The following ASPH variants were observed in gnomAD, a reference collection of about 807,000 sequenced individuals.
ASPH encodes aspartyl/asparaginyl beta-hydroxylase.
Under a neutral mutation model 118.4 loss-of-function variants are expected in ASPH, and 100 were observed. The observed-to-expected ratio is 0.84, with a 90% CI of 0.72 to 1.00. The LOEUF (loss-of-function observed/expected upper bound fraction) is 1.00, where lower values mean the gene tolerates loss of function less well. ASPH is among the 50% of genes least tolerant of loss of function. The pLI is 0.00. For missense variants in ASPH, 920 were observed against 919.5 expected, an observed-to-expected ratio of 1.00 and a Z score of -0.01; for synonymous variants, 315 against 325.6, an observed-to-expected ratio of 0.97 and a Z score of 0.35.
intron 14 of ASPH, among the ~76,000 whole-genome samples, chr8:61,602,326 T>C (rs1378296531): frequency 6.6e-6 from 1 of 151,434 alleles, no homozygotes; most frequent in Admixed American, 6.6e-5. Flanking sequence ...CAGTGCAATT[T>C]ATATTATACA....
chr8:61,552,700 TTCTA>T (rs1227728749), intron 20 of ASPH, among the ~76,000 whole-genome samples: 3 of 152,242 alleles, frequency 2.0e-5, no homozygotes, highest in Admixed American at 6.5e-5. Flanking sequence ...CCAAGGCAAT[TTCTA>T]TCTCTCTGTA....
intron 3 of ASPH, among the ~76,000 whole-genome samples, chr8:61,678,834 C>T (rs535474288): frequency 1.3e-4 from 20 of 152,238 alleles, no homozygotes; most frequent in African/African-American, 4.8e-4. Context: ...GCTCCCTCTC[C>T]AGTGAGAACG....
In ASPH at chr8:61,670,679, C is replaced by G. The variant is rs1175787788; in HGVS notation, c.322+10289G>C. Among the ~76,000 whole-genome samples, 6 of 151,036 alleles carry G rather than the reference C, an allele frequency of 4.0e-5. No homozygotes were observed. In the East Asian group the frequency reaches 1.2e-3, roughly 29 times the overall value. On this transcript the variant is annotated intron_variant, in intron 3 of 24. Transcript: ENST00000379454. The stretch of plus-strand genomic sequence containing the variant: ...TAAGAAAAAGAAGCTAAGTTCATAA[C>G]AGGAGAGAGGTGATGAGGTCAGGAG...
Position 61,688,082 on chromosome 8 carries a change from C to T in ASPH, c.104-3894G>A, listed in dbSNP as rs187718270. On this transcript the variant is annotated intron_variant, in intron 1 of 24. Transcript: ENST00000379454. ...GTTTCTGTCCAATGAAACTGATGAA[C>T]GCATGGTAAGACAAACCCTTAAGAG... 5.8e-4 allele frequency among the ~76,000 whole-genome samples: 88 copies of T among 152,184 alleles called. 1 individual carries two copies. Among genetic ancestry groups the T allele is most frequent in the South Asian group, 3.7e-3 (18 of 4,824 alleles).
intron 15 of ASPH, chr8:61,579,057 A>G: frequency 6.2e-7 from 1 of 1,611,022 alleles, no homozygotes; most frequent in Non-Finnish European, 8.5e-7. Flanking sequence ...TGAGGCTGAG[A>G]GCATGTACCA....
At chr8:61,535,841 G>A (rs1037012867) in intron 21 of ASPH, among the ~76,000 whole-genome samples, 8 of 152,110 alleles carry the variant, frequency 5.3e-5, no homozygotes, top group Non-Finnish European at 1.0e-4. Context: ...ATCCCCCTGG[G>A]TGCTGAGACG....
chr8:61,525,920 T>C, intron 22 of ASPH, 57 bp downstream of exon 22: 3 of 1,606,018 alleles, frequency 1.9e-6, no homozygotes, highest in Non-Finnish European at 2.6e-6. Context: ...CTCTTGTCAG[T>C]ACCCACTTCC....
At chr8:61,618,812 T>C (rs1395959179) in intron 14 of ASPH, among the ~76,000 whole-genome samples, 166 bp downstream of exon 14, 1 of 152,234 alleles carries the variant, frequency 6.6e-6, no homozygotes, top group African/African-American at 2.4e-5. Flanking sequence ...TTAATGTTTA[T>C]GTAAAATATT....
At chr8:61,541,257 G>C (rs1026190400) in intron 21 of ASPH, among the ~76,000 whole-genome samples, 3 of 152,172 alleles carry the variant, frequency 2.0e-5, no homozygotes, top group Non-Finnish European at 4.4e-5. Context: ...CCAGCTACTT[G>C]GGAGGCTAAG....
chr8:61,562,683 T>C (rs983221116), intron 18 of ASPH, 61 bp downstream of exon 18: 5 of 1,428,328 alleles, frequency 3.5e-6, no homozygotes, highest in Non-Finnish European at 4.6e-6. Context: ...GTATAATAAA[T>C]GTAATTTGCA....
intron 14 of ASPH, among the ~76,000 whole-genome samples, chr8:61,589,839 T>A (rs1164438739): frequency 6.6e-6 from 1 of 152,168 alleles, no homozygotes; most frequent in Non-Finnish European, 1.5e-5. Flanking sequence ...CATACATGAA[T>A]AACTAATAGT....
intron 14 of ASPH, among the ~76,000 whole-genome samples, chr8:61,612,043 A>G (rs199824888): frequency 6.6e-6 from 1 of 150,532 alleles, no homozygotes; most frequent in Non-Finnish European, 1.5e-5. Context: ...AAAAAAAAAA[A>G]GGAGCCAACT....
chr8:61,706,145 C>T (rs1362816674), intron 1 of ASPH, among the ~76,000 whole-genome samples: 1 of 151,526 alleles, frequency 6.6e-6, no homozygotes, highest in Non-Finnish European at 1.5e-5. Context: ...AATTATAGGC[C>T]AGGTGCAGGG....
chr8:61,514,740 T>C (rs1810235975), intron 24 of ASPH, among the ~76,000 whole-genome samples: 2 of 151,850 alleles, frequency 1.3e-5, no homozygotes, highest in Non-Finnish European at 2.9e-5. Flanking sequence ...CAAAAAAACT[T>C]GTTTTTGTGG....
intron 14 of ASPH, among the ~76,000 whole-genome samples, chr8:61,601,068 C>G (rs1031745252): frequency 6.6e-6 from 1 of 151,198 alleles, no homozygotes; most frequent in East Asian, 1.9e-4. Flanking sequence ...GTTCATTCCC[C>G]TAGTTACAGA....
At chr8:61,564,297 CTTTTTTTTTT>C (rs1176381658) in intron 17 of ASPH, among the ~76,000 whole-genome samples, 1 of 134,038 alleles carries the variant, frequency 7.5e-6, no homozygotes, top group African/African-American at 2.7e-5. Context: ...AATGCTGATT[CTTTTTTTTTT>C]TTTTTTTTTG....
At chr8:61,504,223 A>G (rs1297632318) in intron 24 of ASPH, among the ~76,000 whole-genome samples, 1 of 152,224 alleles carries the variant, frequency 6.6e-6, no homozygotes, top group Non-Finnish European at 1.5e-5. Context: ...CAGTAACACA[A>G]TGCTTTTCAA....
chr8:61,575,670 A>G (rs927711264), intron 16 of ASPH, among the ~76,000 whole-genome samples: 4 of 152,138 alleles, frequency 2.6e-5, no homozygotes, highest in African/African-American at 9.7e-5. Flanking sequence ...TTGTATTGTA[A>G]TTATTTTTAA....
chr8:61,693,081 CTT>C (rs1199904386), intron 1 of ASPH, among the ~76,000 whole-genome samples: 1 of 152,182 alleles, frequency 6.6e-6, no homozygotes. Context: ...CCTCCAGTGA[CTT>C]TCCCACTCCC....
Sources: allele counts gnomAD v4.1 joint callset (sites outside exome capture counted in the v4.1 genomes callset), GRCh38; gene constraint gnomAD v4.1.1; transcripts MANE v1.5; gene names NCBI Gene and HGNC (gene_info 2026-07-23, HGNC 2026-07-21).